SLC8A1: variants seen among roughly 807,000 people sequenced by gnomAD.
SLC8A1 encodes the protein solute carrier family 8 member A1.
A neutral mutation model predicts 68.3 loss-of-function variants in SLC8A1; 18 were observed. That is an observed-to-expected ratio of 0.26 (90% CI 0.18 to 0.39). The LOEUF is 0.39. Among genes scored for constraint, SLC8A1 ranks in the 10% least tolerant of loss-of-function variants. The probability of loss-of-function intolerance (pLI) is 1.00; values close to 1 mark genes in which losing one functional copy is unlikely to be tolerated. For synonymous variants in SLC8A1, 475 were observed against 415.5 expected, an observed-to-expected ratio of 1.14 and a Z score of -1.74; for missense variants, 985 against 1,156.7, an observed-to-expected ratio of 0.85 and a Z score of 2.15.
intron 3 of SLC8A1, 111 bp from the exon 4 acceptor site, chr2:40,175,392 G>A (rs1235058328): frequency 1.9e-6 from 2 of 1,030,970 alleles, no homozygotes; most frequent in African/African-American, 1.6e-5. Flanking sequence ...ACAGTGGTAG[G>A]GAGCCACTGC....
chr2:40,345,709 C>G lies in SLC8A1; in HGVS notation c.1808+82764G>C, dbSNP rs1185965318. 3.3e-5 allele frequency among the ~76,000 whole-genome samples: 5 copies of G among 152,148 alleles called. No homozygotes were observed. In the South Asian group the frequency reaches 6.2e-4, roughly 19 times the overall value. On this transcript the variant is annotated intron_variant, in intron 2 of 7. Transcript: ENST00000406785. ...GCCATTTGCAGGGACATGGATGAAGCTGGAAACCATCATTCTCAGCCAACT... is the reference window on the plus strand; with the variant it reads ...GCCATTTGCAGGGACATGGATGAAGGTGGAAACCATCATTCTCAGCCAACT...
intron 2 of SLC8A1, among the ~76,000 whole-genome samples, chr2:40,320,502 A>T (rs1575379560): frequency 6.6e-6 from 1 of 152,170 alleles, no homozygotes; most frequent in Non-Finnish European, 1.5e-5. Flanking sequence ...TAAAACTACA[A>T]TTTGATGTCC....
chr2:40,140,135 A>T (rs2041273504), intron 6 of SLC8A1, among the ~76,000 whole-genome samples: 1 of 152,210 alleles, frequency 6.6e-6, no homozygotes, highest in African/African-American at 2.4e-5. Context: ...CACCTACAGG[A>T]TAATGTTCAC....
intron 1 of SLC8A1, among the ~76,000 whole-genome samples, chr2:40,487,527 A>G (rs1402956935): frequency 6.6e-6 from 1 of 152,192 alleles, no homozygotes; most frequent in Non-Finnish European, 1.5e-5. Flanking sequence ...AAGCAATTTT[A>G]TCAAAGTGGC....
intron 2 of SLC8A1, among the ~76,000 whole-genome samples, chr2:40,297,267 A>C (rs2070571457): frequency 6.6e-6 from 1 of 152,214 alleles, no homozygotes; most frequent in Non-Finnish European, 1.5e-5. Context: ...TTCATAAACT[A>C]TTGGGAGAGT....
chr2:40,490,933 G>A (rs982177740), intron 1 of SLC8A1, among the ~76,000 whole-genome samples: 4 of 151,988 alleles, frequency 2.6e-5, no homozygotes, highest in Non-Finnish European at 1.5e-5. Context: ...GAATTGACAA[G>A]CAATATTTTC....
At chr2:40,284,322 C>T (rs2149200788) in intron 2 of SLC8A1, among the ~76,000 whole-genome samples, 1 of 145,998 alleles carries the variant, frequency 6.8e-6, no homozygotes, top group Non-Finnish European at 1.5e-5. Flanking sequence ...TAGATATTGA[C>T]ATATATATAG....
At chr2:40,436,812 G>C (rs767380671) in intron 1 of SLC8A1, among the ~76,000 whole-genome samples, 1 of 152,038 alleles carries the variant, frequency 6.6e-6, no homozygotes, top group Admixed American at 6.6e-5. Context: ...TCTTTCAATA[G>C]AAAATAAATA....
At chr2:40,490,193 C>T (rs548786631) in intron 1 of SLC8A1, among the ~76,000 whole-genome samples, 2 of 152,184 alleles carry the variant, frequency 1.3e-5, no homozygotes, top group South Asian at 4.1e-4. Flanking sequence ...TATACAATCA[C>T]GTATTTATAA....
chr2:40,400,571 C>T (rs1038742322), intron 2 of SLC8A1, among the ~76,000 whole-genome samples: 4 of 151,950 alleles, frequency 2.6e-5, no homozygotes, highest in Non-Finnish European at 4.4e-5. Context: ...TCATGGATCA[C>T]ATGAGGAGGA....
At position 40,139,540 on chromosome 2, in the gene SLC8A1, C is replaced by G. The variant is rs376027815; in HGVS notation, c.2298G>C (p.Ala766=). 3 of 1,614,028 alleles carry G rather than the reference C, an allele frequency of 1.9e-6. No homozygotes were observed. The African/African-American group carries it at 4.0e-5, about 22-fold the overall frequency. ...TCATGAGGATGGAGACAATGAAACA[C>G]GCCCAGCCATTCCAGTATTCAGTAG... Residue 766 remains alanine, a synonymous_variant, in exon 7 of 8, where the codon GCG becomes GCC. Transcript: ENST00000406785.
At chr2:40,147,122 C>G (rs2042616692) in intron 6 of SLC8A1, among the ~76,000 whole-genome samples, 3 of 152,156 alleles carry the variant, frequency 2.0e-5, no homozygotes, top group South Asian at 4.1e-4. Context: ...TAGCCACTGT[C>G]CAAATGAAAA....
At chr2:40,477,288 T>C (rs1704349753) in intron 1 of SLC8A1, among the ~76,000 whole-genome samples, 1 of 152,162 alleles carries the variant, frequency 6.6e-6, no homozygotes, top group African/African-American at 2.4e-5. Context: ...CCTTGTGTTG[T>C]AGTCATGGAT....
chr2:40,111,212 C>T (rs915529714), exon 8 of SLC8A1: 1 of 152,026 alleles, frequency 6.6e-6, no homozygotes. Flanking sequence ...AAATTTGAAC[C>T]CATTAAAATT....
At chr2:40,119,776 C>T (rs2036364738) in intron 7 of SLC8A1, among the ~76,000 whole-genome samples, 1 of 152,170 alleles carries the variant, frequency 6.6e-6, no homozygotes, top group South Asian at 2.1e-4. Context: ...TTGCTATTAA[C>T]TCCCACCTTG....
intron 4 of SLC8A1, among the ~76,000 whole-genome samples, chr2:40,167,054 T>A (rs1333947003): frequency 1.3e-5 from 2 of 152,226 alleles, no homozygotes; most frequent in Non-Finnish European, 2.9e-5. Flanking sequence ...TGTGGTAGCA[T>A]TGTTAAGTGC....
chr2:40,109,236 C>T (rs1045792845), exon 8 of SLC8A1: 3 of 152,074 alleles, frequency 2.0e-5, no homozygotes, highest in African/African-American at 7.2e-5. Context: ...CACAGAGAAG[C>T]ATTTGACCCA....
chr2:40,251,189 T>G (rs1034562232), intron 2 of SLC8A1: 1 of 151,854 alleles, frequency 6.6e-6, no homozygotes, highest in Non-Finnish European at 1.5e-5. Flanking sequence ...AAAAAATCAA[T>G]AGAAATAATT....
exon 8 of SLC8A1, chr2:40,102,615 A>C (rs2033962986): frequency 6.6e-6 from 1 of 152,162 alleles, no homozygotes; most frequent in Admixed American, 6.6e-5. Flanking sequence ...TGTGTGAATG[A>C]GCAGCTGTCT....
Sources: allele counts gnomAD v4.1 joint callset (sites outside exome capture counted in the v4.1 genomes callset), GRCh38; gene constraint gnomAD v4.1.1; transcripts MANE v1.5; gene names NCBI Gene and HGNC (gene_info 2026-07-23, HGNC 2026-07-21).